The following TPTE variants were observed in gnomAD, a reference collection of about 807,000 sequenced individuals.
TPTE encodes putative tyrosine-protein phosphatase TPTE.
TPTE carries 59 observed loss-of-function variants against 84.1 expected under a neutral mutation model. The observed-to-expected ratio is 0.70, with a 90% CI of 0.57 to 0.87. The LOEUF is 0.87. TPTE is among the 40% of genes least tolerant of loss of function. The pLI is 0.00. For synonymous variants in TPTE, 130 were observed against 223.5 expected (o/e 0.58, Z 3.73); for missense variants, 382 against 659.6 (o/e 0.58, Z 4.61).
chr21:10,552,864 C>A (rs2074605085), intron 8 of TPTE, 148 bp downstream of exon 8: 4 of 1,346,186 alleles, frequency 3.0e-6, no homozygotes, highest in Non-Finnish European at 4.0e-6. Flanking sequence ...CGTATTTACT[C>A]CAGTTGAATT....
At chr21:10,553,207 C>T (rs1264042628) in intron 8 of TPTE, among the ~76,000 whole-genome samples, 5 of 152,302 alleles carry the variant, frequency 3.3e-5, no homozygotes. Flanking sequence ...CTTCCTGTTG[C>T]ACTGACCTGA....
chr21:10,525,116 C>T (rs1312440389), intron 2 of TPTE, among the ~76,000 whole-genome samples: 21 of 152,298 alleles, frequency 1.4e-4, no homozygotes, highest in African/African-American at 5.1e-4. Context: ...CAGAGATGGC[C>T]ACCAAAAGGG....
intron 7 of TPTE, among the ~76,000 whole-genome samples, chr21:10,550,720 GACTTA>G (rs1297263587): frequency 2.0e-5 from 3 of 152,310 alleles, no homozygotes; most frequent in Non-Finnish European, 4.4e-5. Context: ...AGAAACATCA[GACTTA>G]AACTCCACCA....
intron 5 of TPTE, among the ~76,000 whole-genome samples, chr21:10,541,793 T>G (rs1042280277): frequency 6.6e-6 from 1 of 152,310 alleles, no homozygotes; most frequent in Non-Finnish European, 1.5e-5. Context: ...GAGAGAATCC[T>G]GTTTGGAGTG....
At chr21:10,588,368 C>G (rs1302791862) in intron 17 of TPTE, among the ~76,000 whole-genome samples, 1 of 152,306 alleles carries the variant, frequency 6.6e-6, no homozygotes, top group East Asian at 1.9e-4. Context: ...TTTTGATGTG[C>G]TGTTGGATTT....
At chr21:10,596,445 C>T (rs1193749344) in intron 20 of TPTE, among the ~76,000 whole-genome samples, 3 of 152,312 alleles carry the variant, frequency 2.0e-5, no homozygotes, top group Non-Finnish European at 4.4e-5. Flanking sequence ...CTGCTTATTT[C>T]TCAGAACCAC....
rs199896559 is a variant in TPTE at position 10,585,096 on chromosome 21, G to A, written c.1028-5366G>A. ...AAAAATACAAAAATTTGCGAGGTGC[G>A]GTGGCACATGCCTGTAATGCCAGCT... On this transcript the variant is annotated intron_variant, in intron 17 of 23. Transcript: ENST00000618007. Among the ~76,000 whole-genome samples, 1,576 of 149,894 alleles carry A rather than the reference G, an allele frequency of 0.011. No homozygotes were observed. In the East Asian group the frequency reaches 0.11, roughly 11 times the overall value.
At chr21:10,564,799 A>T (rs1327764748) in intron 10 of TPTE, among the ~76,000 whole-genome samples, 2 of 152,310 alleles carry the variant, frequency 1.3e-5, no homozygotes, top group Non-Finnish European at 2.9e-5. Flanking sequence ...AAAATTCAAC[A>T]TCCCTTCATG....
In TPTE at chr21:10,542,795, G is replaced by C. The variant is rs370061007; in HGVS notation, c.119+347G>C. Among the ~76,000 whole-genome samples, 7 of 152,270 alleles carry C rather than the reference G, an allele frequency of 4.6e-5. No individual in the cohort carries two copies. The East Asian group carries it at 7.7e-4, about 17-fold the overall frequency. Reference sequence around the variant, plus strand: ...ATTCGTCTCATTGTAGCATTTGTTAGTAACTTTGCATCCTTCTTTGGTGGA... The same window carrying C: ...ATTCGTCTCATTGTAGCATTTGTTACTAACTTTGCATCCTTCTTTGGTGGA... On this transcript the variant is annotated intron_variant, in intron 6 of 23. Transcript: ENST00000618007.
chr21:10,545,941 T>C (rs1303251773), intron 7 of TPTE, among the ~76,000 whole-genome samples: 2 of 151,992 alleles, frequency 1.3e-5, no homozygotes, highest in Non-Finnish European at 2.9e-5. Flanking sequence ...TAAACATATA[T>C]GTATATATCC....
intron 1 of TPTE, among the ~76,000 whole-genome samples, chr21:10,522,540 G>A (rs2074001386): frequency 6.6e-6 from 1 of 152,430 alleles, no homozygotes; most frequent in Admixed American, 6.5e-5. Context: ...AATGCGTCTG[G>A]ACGGGCAGCA....
intron 14 of TPTE, among the ~76,000 whole-genome samples, chr21:10,573,264 TAATA>T (rs1369566345): frequency 2.0e-5 from 3 of 152,298 alleles, no homozygotes; most frequent in Non-Finnish European, 4.4e-5. Flanking sequence ...CATTTTATAA[TAATA>T]AAGAGATCAA....
intron 19 of TPTE, among the ~76,000 whole-genome samples, chr21:10,593,701 TCTA>T (rs1178242132): frequency 2.6e-5 from 4 of 152,302 alleles, no homozygotes. Context: ...AGGACTGAAA[TCTA>T]GATGTCAGTC....
intron 3 of TPTE, among the ~76,000 whole-genome samples, chr21:10,532,568 C>T (rs1408294837): frequency 1.3e-5 from 2 of 152,306 alleles, no homozygotes; most frequent in Admixed American, 1.3e-4. Flanking sequence ...CCTTTTCCAA[C>T]CTCTCTACTT....
intron 8 of TPTE, among the ~76,000 whole-genome samples, chr21:10,553,782 C>T (rs1480148030): frequency 1.3e-5 from 2 of 152,308 alleles, no homozygotes; most frequent in East Asian, 3.8e-4. Flanking sequence ...ACCTGATACT[C>T]AGCAAGTCAC....
chr21:10,533,288 T>C (rs1226634197), intron 3 of TPTE, among the ~76,000 whole-genome samples: 1 of 152,308 alleles, frequency 6.6e-6, no homozygotes, highest in Non-Finnish European at 1.5e-5. Flanking sequence ...TAAGGCTTTC[T>C]CTTTTATTTT....
chr21:10,538,656 A>T, intron 3 of TPTE, 25 bp from the exon 4 acceptor site: 1 of 1,613,952 alleles, frequency 6.2e-7, no homozygotes, highest in Non-Finnish European at 8.5e-7. Context: ...CTCCTGTCTG[A>T]CTATATTCTT....
chr21:10,535,229 T>G (rs1223448777), intron 3 of TPTE, among the ~76,000 whole-genome samples: 6 of 152,422 alleles, frequency 3.9e-5, no homozygotes, highest in Non-Finnish European at 8.8e-5. Flanking sequence ...CACAGCCAAT[T>G]GAGTTGATGG....
At chr21:10,548,330 A>G (rs559543993) in intron 7 of TPTE, among the ~76,000 whole-genome samples, 49 of 152,416 alleles carry the variant, frequency 3.2e-4, no homozygotes, top group African/African-American at 1.2e-3. Flanking sequence ...GAGCCTGAGA[A>G]ATAGTCCTGT....
Sources: allele counts gnomAD v4.1 joint callset (sites outside exome capture counted in the v4.1 genomes callset), GRCh38; gene constraint gnomAD v4.1.1; transcripts MANE v1.5; gene names NCBI Gene and HGNC (gene_info 2026-07-23, HGNC 2026-07-21).